KCNQ3: variants seen among roughly 807,000 people sequenced by gnomAD.
KCNQ3 encodes the protein potassium voltage-gated channel subfamily Q member 3, also known as potassium voltage-gated channel subfamily KQT member 3.
KCNQ3 carries 30 observed loss-of-function variants against 92.5 expected under a neutral mutation model. That is an observed-to-expected ratio of 0.32 (90% CI 0.24 to 0.44). The LOEUF is 0.44. KCNQ3 is among the 20% of genes least tolerant of loss of function. The pLI is 1.00. For synonymous variants in KCNQ3, 450 were observed against 468.8 expected (o/e 0.96, Z 0.52); for missense variants, 913 against 1,140.3 (o/e 0.80, Z 2.87).
chr8:132,291,756 T>C lies in KCNQ3; in HGVS notation c.387-105575A>G, dbSNP rs576697835. On this transcript the variant is annotated intron_variant, in intron 1 of 14. Coordinates refer to ENST00000388996, the MANE Select transcript of KCNQ3 (RefSeq NM_004519.4). ...GCCTCCAAATTGTTGGGGTGATCCA[T>C]TCATTTATGCCATCTATAACTGCGT... 4.6e-5 allele frequency among the ~76,000 whole-genome samples: 7 copies of C among 152,292 alleles called. No individual in the cohort carries two copies. In the South Asian group the frequency reaches 1.5e-3, roughly 32 times the overall value.
In KCNQ3 at chr8:132,124,261, T is replaced by C. The variant is rs1824590147; in HGVS notation, c.*5001A>G. 4 of 150,448 alleles carry C rather than the reference T, an allele frequency of 2.7e-5. No individual in the cohort carries two copies. The South Asian group carries it at 8.3e-4, about 31-fold the overall frequency. 9.3% of individuals were successfully genotyped at this position (150,448 alleles called of 1,614,324 possible). A position where few individuals can be genotyped will look rare whatever the true frequency, so the allele number is the denominator to read the frequency against. ...AATAATTAGGATTGTTTCTCCACGA[T>C]TCTTTTTCTGAAAAAAAATTTTTTT... On this transcript the variant is annotated 3_prime_UTR_variant, in exon 15 of 15. Coordinates refer to ENST00000388996, the MANE Select transcript of KCNQ3 (RefSeq NM_004519.4).
intron 1 of KCNQ3, among the ~76,000 whole-genome samples, chr8:132,219,816 C>A (rs1345482583): frequency 6.6e-6 from 1 of 152,038 alleles, no homozygotes; most frequent in African/African-American, 2.4e-5. Flanking sequence ...TGGTGCAACA[C>A]AAGCTTTAAA....
chr8:132,245,117 T>G (rs1815124717), intron 1 of KCNQ3, among the ~76,000 whole-genome samples: 1 of 152,162 alleles, frequency 6.6e-6, no homozygotes, highest in African/African-American at 2.4e-5. Flanking sequence ...AGCAAAAGCC[T>G]TGGGAAAGAA....
At chr8:132,379,318 G>A (rs1819685462) in intron 1 of KCNQ3, among the ~76,000 whole-genome samples, 1 of 148,426 alleles carries the variant, frequency 6.7e-6, no homozygotes, top group Non-Finnish European at 1.5e-5. Context: ...TTTTTTTTCA[G>A]ATGAGGAAGA....
At chr8:132,167,247 A>AGAT (rs1256131759) in intron 8 of KCNQ3, among the ~76,000 whole-genome samples, 1 of 152,212 alleles carries the variant, frequency 6.6e-6, no homozygotes, top group Non-Finnish European at 1.5e-5. Flanking sequence ...GACAGAAAGT[A>AGAT]GATAGTGATT....
chr8:132,443,828 A>G (rs1821601650), intron 1 of KCNQ3, among the ~76,000 whole-genome samples: 2 of 152,156 alleles, frequency 1.3e-5, no homozygotes, highest in East Asian at 3.9e-4. Context: ...GACCCTGGTC[A>G]GGTCACCCAG....
At chr8:132,256,851 A>G (rs1330947068) in intron 1 of KCNQ3, among the ~76,000 whole-genome samples, 1 of 152,212 alleles carries the variant, frequency 6.6e-6, no homozygotes, top group East Asian at 1.9e-4. Flanking sequence ...GACCTTCACT[A>G]CAAGAAATAT....
chr8:132,281,915 A>G (rs942624362), intron 1 of KCNQ3, among the ~76,000 whole-genome samples: 20 of 152,110 alleles, frequency 1.3e-4, no homozygotes, highest in African/African-American at 4.6e-4. Flanking sequence ...AACTCTGGAA[A>G]CTTCAACGTG....
chr8:132,387,198 A>C (rs1819911322), intron 1 of KCNQ3, among the ~76,000 whole-genome samples: 1 of 152,222 alleles, frequency 6.6e-6, no homozygotes, highest in Non-Finnish European at 1.5e-5. Flanking sequence ...ATAGGATAGC[A>C]TAATTCAAGA....
intron 1 of KCNQ3, among the ~76,000 whole-genome samples, chr8:132,329,653 C>A (rs952502568): frequency 1.3e-5 from 2 of 152,164 alleles, no homozygotes; most frequent in African/African-American, 2.4e-5. Context: ...CAAGCCTCTG[C>A]GAGAAAACCT....
At chr8:132,380,674 C>T (rs1819723448) in intron 1 of KCNQ3, among the ~76,000 whole-genome samples, 1 of 143,578 alleles carries the variant, frequency 7.0e-6, no homozygotes, top group Non-Finnish European at 1.5e-5. Flanking sequence ...TTCCCACCCT[C>T]CCTCCCTCCC....
At chr8:132,376,403 C>A (rs1431492558) in intron 1 of KCNQ3, among the ~76,000 whole-genome samples, 1 of 152,178 alleles carries the variant, frequency 6.6e-6, no homozygotes, top group African/African-American at 2.4e-5. Context: ...TGCTTCCGTA[C>A]AGTCCTCACA....
Position 132,122,347 on chromosome 8 carries a change from T to A in KCNQ3, c.*6915A>T, listed in dbSNP as rs1378103738. The A allele has an allele frequency of 1.3e-5, 2 of 152,210 alleles. No homozygotes were observed. Among genetic ancestry groups the A allele is most frequent in the Non-Finnish European group, 2.9e-5 (2 of 68,042 alleles). 9.4% of individuals were successfully genotyped at this position (152,210 alleles called of 1,614,324 possible). A position where few individuals can be genotyped will look rare whatever the true frequency, so the allele number is the denominator to read the frequency against. The stretch of plus-strand genomic sequence containing the variant: ...CTCTCCCCTTCCCTGACCTCACTTT[T>A]GTGGGCAGAGGAAGAGAAGGGAACA... On this transcript the variant is annotated 3_prime_UTR_variant, in exon 15 of 15. Coordinates refer to ENST00000388996, the MANE Select transcript of KCNQ3 (RefSeq NM_004519.4).
chr8:132,131,470 A>G (rs1359260041), intron 14 of KCNQ3, among the ~76,000 whole-genome samples: 1 of 152,094 alleles, frequency 6.6e-6, no homozygotes, highest in East Asian at 1.9e-4. Context: ...CAGGCAACCC[A>G]CTGCCTGGAC....
chr8:132,387,593 C>T (rs1447501271), intron 1 of KCNQ3, among the ~76,000 whole-genome samples: 2 of 152,038 alleles, frequency 1.3e-5, no homozygotes, highest in African/African-American at 4.8e-5. Flanking sequence ...AAGGAAAAAA[C>T]AATGAACTTC....
intron 1 of KCNQ3, among the ~76,000 whole-genome samples, chr8:132,359,142 C>T (rs1819095405): frequency 2.6e-5 from 4 of 152,194 alleles, no homozygotes; most frequent in Admixed American, 2.6e-4. Flanking sequence ...GGGTCAAATA[C>T]AGTGATGAAG....
rs375099145 is a variant in KCNQ3 at position 132,403,016 on chromosome 8, C to CAAAAAAAAAAAAAAAAAAAA, written c.386+77130_386+77131insTTTTTTTTTTTTTTTTTTTT. ...CTGGCAACAGGGCGAGGCACCATCA[C>CAAAAAAAAAAAAAAAAAAAA]AAAAAAAAAAAAAAAAGTGTCAATA... On this transcript the variant is annotated intron_variant, in intron 1 of 14. Transcript: ENST00000388996. Among the ~76,000 whole-genome samples the CAAAAAAAAAAAAAAAAAAAA allele has an allele frequency of 4.7e-3, 316 of 67,604 alleles. 55 individuals carry two copies. Among genetic ancestry groups the CAAAAAAAAAAAAAAAAAAAA allele is most frequent in the African/African-American group, 0.024 (281 of 11,686 alleles). 44.4% of individuals were successfully genotyped at this position (67,604 alleles called of 152,430 possible).
intron 6 of KCNQ3, 77 bp from the exon 7 acceptor site, chr8:132,172,770 G>A (rs2130121988): frequency 9.9e-7 from 1 of 1,014,542 alleles, no homozygotes; most frequent in Admixed American, 1.7e-5. Context: ...CAGGGTAATG[G>A]GGACTGTAGG....
At chr8:132,154,192 AGTTTTTTTTTT>A (rs1231306070) in intron 9 of KCNQ3, among the ~76,000 whole-genome samples, 2,101 of 104,462 alleles carry the variant, frequency 0.02, 111 homozygotes, top group African/African-American at 0.066. Flanking sequence ...AAAGGGTAAA[AGTTTTTTTTTT>A]TTTTTTTTTT....
Sources: gnomAD v4.1 joint callset for allele counts (sites outside exome capture counted in the v4.1 genomes callset) on GRCh38, gnomAD v4.1.1 for gene constraint, MANE v1.5 for transcripts, NCBI Gene and HGNC (gene_info 2026-07-23, HGNC 2026-07-21) for gene names.